AMMECR1: variants seen among roughly 807,000 people sequenced by gnomAD.
AMMECR1 encodes the protein nuclear protein AMMECR1.
In AMMECR1, 3 loss-of-function variants were observed where a neutral mutation model predicts 22.5. That is an observed-to-expected ratio of 0.13 (90% CI 0.06 to 0.35). AMMECR1 has a LOEUF of 0.35. Among genes scored for constraint, AMMECR1 ranks in the 10% least tolerant of loss-of-function variants. The pLI is 1.00. For synonymous variants in AMMECR1, 130 were observed against 116.7 expected (o/e 1.11, Z -0.74); for missense variants, 235 against 278.7 (o/e 0.84, Z 1.12).
At chrX:110,211,380 C>T (rs1168521280) in intron 3 of AMMECR1, among the ~76,000 whole-genome samples, 1 of 112,080 alleles carries the variant, frequency 8.9e-6, no homozygotes, top group African/African-American at 3.2e-5. Flanking sequence ...CATAGAATCA[C>T]CCCTCAAGTC....
chrX:110,396,906 TG>T (rs1365111654), intron 2 of AMMECR1, among the ~76,000 whole-genome samples: 1 of 112,127 alleles, frequency 8.9e-6, no homozygotes, highest in Non-Finnish European at 1.9e-5. Context: ...TGGACTCCTA[TG>T]TTTGTTTTCC....
At position 110,345,519 on chromosome X, in the gene AMMECR1, A is replaced by T. The variant is rs772284717; in HGVS notation, c.-147-27670T>A. 7.4e-5 allele frequency among the ~76,000 whole-genome samples: 8 copies of T among 108,781 alleles called. No individual in the cohort carries two copies. The East Asian group carries it at 1.1e-3, about 15-fold the overall frequency. 94.5% of individuals were successfully genotyped at this position (108,781 alleles called of 115,157 possible). A position where few individuals can be genotyped will look rare whatever the true frequency, so the allele number is the denominator to read the frequency against. On this transcript the variant is annotated intron_variant, in intron 2 of 7. Transcript: ENST00000372057. The stretch of plus-strand genomic sequence containing the variant: ...TAAAAAAAATATATATATATATATA[A>T]AAAGAAAAAAACTTGAAAATAGTAA...
exon 2 of AMMECR1, chrX:110,426,672 G>A (rs1308932370): frequency 8.9e-6 from 1 of 112,070 alleles, no homozygotes; most frequent in Non-Finnish European, 1.9e-5. Context: ...AGTAATTCCA[G>A]AGGAGCAGGC....
intron 2 of AMMECR1, among the ~76,000 whole-genome samples, chrX:110,257,699 C>G (rs918519813): frequency 1.8e-5 from 2 of 111,494 alleles, no homozygotes; most frequent in African/African-American, 6.5e-5. Context: ...TTATAGATAC[C>G]TTTAAATACA....
chrX:110,388,136 G>C (rs1408961013), intron 2 of AMMECR1, among the ~76,000 whole-genome samples: 1 of 111,205 alleles, frequency 9.0e-6, no homozygotes, highest in African/African-American at 3.3e-5. Flanking sequence ...CAAAGTGTTG[G>C]GATTACAGGC....
At chrX:110,352,959 C>T (rs936960138) in intron 2 of AMMECR1, among the ~76,000 whole-genome samples, 1 of 112,292 alleles carries the variant, frequency 8.9e-6, no homozygotes, top group African/African-American at 3.2e-5. Flanking sequence ...GAAATAATAA[C>T]AAAAACTTAT....
intron 2 of AMMECR1, among the ~76,000 whole-genome samples, chrX:110,236,159 A>G (rs1160422294): frequency 8.9e-6 from 1 of 112,278 alleles, no homozygotes; most frequent in East Asian, 2.8e-4. Context: ...ATATGAGGGC[A>G]TAACTATGAA....
chrX:110,263,542 C>G (rs1044360163), intron 2 of AMMECR1, among the ~76,000 whole-genome samples: 1 of 111,714 alleles, frequency 9.0e-6, no homozygotes, highest in African/African-American at 3.2e-5. Flanking sequence ...AAATAATGTT[C>G]CACATTAATC....
At chrX:110,343,597 T>C (rs1292145841) in intron 2 of AMMECR1, among the ~76,000 whole-genome samples, 2 of 111,205 alleles carry the variant, frequency 1.8e-5, no homozygotes, top group Non-Finnish European at 3.8e-5. Flanking sequence ...GAAAACCCCA[T>C]TGTCTCAGCC....
At chrX:110,201,163 A>C in intron 4 of AMMECR1, 113 bp from the exon 5 acceptor site, 2 of 435,140 alleles carry the variant, frequency 4.6e-6, no homozygotes, top group Non-Finnish European at 7.7e-6. Context: ...AATGCCATCA[A>C]ATCTTTTGGT....
At chrX:110,328,743 T>A (rs1211263470) in intron 2 of AMMECR1, among the ~76,000 whole-genome samples, 1 of 110,770 alleles carries the variant, frequency 9.0e-6, no homozygotes, top group Non-Finnish European at 1.9e-5. Context: ...TGTGTTAGTT[T>A]GCTGAGAAAG....
chrX:110,297,718 A>G (rs2067944912), intron 1 of AMMECR1, among the ~76,000 whole-genome samples: 1 of 111,405 alleles, frequency 9.0e-6, no homozygotes, highest in Non-Finnish European at 1.9e-5. Context: ...AGGGGAGTAG[A>G]TTTTCTGAAG....
intron 2 of AMMECR1, among the ~76,000 whole-genome samples, chrX:110,233,365 A>G (rs927135480): frequency 8.9e-6 from 1 of 112,010 alleles, no homozygotes; most frequent in Non-Finnish European, 1.9e-5. Context: ...AAAAAAGTCC[A>G]GGACCAGATG....
intron 2 of AMMECR1, among the ~76,000 whole-genome samples, chrX:110,369,879 A>AT (rs1446794578): frequency 9.0e-6 from 1 of 111,652 alleles, no homozygotes; most frequent in Non-Finnish European, 1.9e-5. Context: ...TGGAGTCCAT[A>AT]TATGGGTTTC....
chrX:110,392,097 A>G (rs1361436253), intron 2 of AMMECR1, among the ~76,000 whole-genome samples: 1 of 111,857 alleles, frequency 8.9e-6, no homozygotes, highest in Non-Finnish European at 1.9e-5. Context: ...TGTATGAAAG[A>G]CTGACAAATA....
At chrX:110,283,189 T>C (rs2067861998) in intron 1 of AMMECR1, among the ~76,000 whole-genome samples, 2 of 112,452 alleles carry the variant, frequency 1.8e-5, no homozygotes, top group African/African-American at 6.5e-5. Context: ...TGTGCAGATG[T>C]GTTATAAGAG....
chrX:110,198,653 A>G lies in AMMECR1; in HGVS notation c.888-19T>C. 9.0e-7 allele frequency: 1 copy of G among 1,106,516 alleles called. No homozygotes were observed. Among genetic ancestry groups the G allele is most frequent in the South Asian group, 1.8e-5 (1 of 54,389 alleles). 91.2% of individuals were successfully genotyped at this position (1,106,516 alleles called of 1,213,427 possible). On this transcript the variant is annotated intron_variant, in intron 5 of 5. Transcript: ENST00000262844. Reference sequence around the variant, plus strand: ...ACGATACCTGAAAGAAAGTCAGGGAAGAGAAAAGTTAACATTGAGAAGTAG... The same window carrying G: ...ACGATACCTGAAAGAAAGTCAGGGAGGAGAAAAGTTAACATTGAGAAGTAG...
chrX:110,281,003 A>AT (rs2067849515), intron 1 of AMMECR1, among the ~76,000 whole-genome samples: 1 of 112,139 alleles, frequency 8.9e-6, no homozygotes, highest in African/African-American at 3.2e-5. Flanking sequence ...CTCTTGATGC[A>AT]TTTTACCAAA....
At chrX:110,217,228 C>G (rs746360925) in intron 2 of AMMECR1, among the ~76,000 whole-genome samples, 96 of 107,913 alleles carry the variant, frequency 8.9e-4, no homozygotes, top group Middle Eastern at 4.7e-3. Context: ...AATAATCATG[C>G]AAATTATAGA....
Sources: allele counts gnomAD v4.1 joint callset (sites outside exome capture counted in the v4.1 genomes callset), GRCh38; gene constraint gnomAD v4.1.1; transcripts MANE v1.5; gene names NCBI Gene and HGNC (gene_info 2026-07-23, HGNC 2026-07-21).